The following RASGRF2 variants were observed in gnomAD, a reference collection of about 807,000 sequenced individuals.
RASGRF2 encodes the protein Ras protein specific guanine nucleotide releasing factor 2, also known as ras-specific guanine nucleotide-releasing factor 2.
A neutral mutation model predicts 151.0 loss-of-function variants in RASGRF2; 76 were observed. The observed-to-expected ratio is 0.50, with a 90% CI of 0.42 to 0.61. The LOEUF (loss-of-function observed/expected upper bound fraction) is 0.61, where lower values mean the gene tolerates loss of function less well. Ranked by LOEUF, RASGRF2 falls within the 20% of genes least tolerant of loss-of-function variation. The pLI, the probability that RASGRF2 is intolerant of heterozygous loss-of-function variation, is 0.00. For synonymous variants in RASGRF2, 504 were observed against 566.5 expected (o/e 0.89, Z 1.57); for missense variants, 1,148 against 1,564.6 (o/e 0.73, Z 4.49).
In RASGRF2 at chr5:81,036,057, T is replaced by C. The variant is rs1750480675; in HGVS notation, c.289-6820T>C. Reference sequence around the variant, plus strand: ...TACCATTTTTTAAAAAAGGCACAAATAACATTAAACATGGAGAAAATGTAC... The same window carrying C: ...TACCATTTTTTAAAAAAGGCACAAACAACATTAAACATGGAGAAAATGTAC... On this transcript the variant is annotated intron_variant, in intron 1 of 26. Transcript: ENST00000265080. Among the ~76,000 whole-genome samples the C allele has an allele frequency of 2.6e-5, 4 of 152,124 alleles. No homozygotes were observed. In the South Asian group the frequency reaches 8.3e-4, roughly 31 times the overall value.
At chr5:80,970,680 G>A (rs1439810118) in intron 1 of RASGRF2, among the ~76,000 whole-genome samples, 1 of 152,104 alleles carries the variant, frequency 6.6e-6, no homozygotes, top group Non-Finnish European at 1.5e-5. Context: ...GAATCTGATT[G>A]TCTCAGTTCA....
chr5:81,078,321 T>C (rs1751994535), intron 5 of RASGRF2, among the ~76,000 whole-genome samples: 1 of 152,220 alleles, frequency 6.6e-6, no homozygotes, highest in Non-Finnish European at 1.5e-5. Flanking sequence ...TATTGTGCTA[T>C]CAAATAATAG....
chr5:80,998,308 C>T (rs1002131158), intron 1 of RASGRF2, among the ~76,000 whole-genome samples: 4 of 152,170 alleles, frequency 2.6e-5, no homozygotes, highest in Non-Finnish European at 2.9e-5. Flanking sequence ...TGATTCTCTA[C>T]TTTCTGCCCT....
intron 1 of RASGRF2, among the ~76,000 whole-genome samples, chr5:80,985,739 A>G (rs1342620260): frequency 6.6e-6 from 1 of 152,196 alleles, no homozygotes; most frequent in Non-Finnish European, 1.5e-5. Context: ...GTTATTTTTA[A>G]GTGACCCAGC....
chr5:80,979,332 T>C (rs1748227445), intron 1 of RASGRF2, among the ~76,000 whole-genome samples: 2 of 152,230 alleles, frequency 1.3e-5, no homozygotes, highest in Admixed American at 6.5e-5. Context: ...TAGTCTAATT[T>C]CTTGAAATAA....
chr5:81,225,552 AT>A, intron 26 of RASGRF2, 125 bp from the exon 27 acceptor site: 2 of 1,225,918 alleles, frequency 1.6e-6, no homozygotes, highest in South Asian at 1.7e-5. Context: ...CATATTTATG[AT>A]TTTTTGGTCA....
At chr5:81,119,028 C>T (rs1429138098) in intron 15 of RASGRF2, among the ~76,000 whole-genome samples, 1 of 152,196 alleles carries the variant, frequency 6.6e-6, no homozygotes, top group Non-Finnish European at 1.5e-5. Flanking sequence ...TAAGGAGATT[C>T]AGACTCTTGA....
At chr5:81,195,172 A>G (rs1755236028) in intron 18 of RASGRF2, among the ~76,000 whole-genome samples, 1 of 151,848 alleles carries the variant, frequency 6.6e-6, no homozygotes, top group South Asian at 2.1e-4. Context: ...TCCCTCCTCC[A>G]GGCCTGCGGG....
intron 17 of RASGRF2, among the ~76,000 whole-genome samples, chr5:81,162,874 G>T (rs1754419415): frequency 6.6e-6 from 1 of 152,190 alleles, no homozygotes; most frequent in South Asian, 2.1e-4. Context: ...TTTGTTACAG[G>T]AAATTGGGTA....
intron 17 of RASGRF2, among the ~76,000 whole-genome samples, chr5:81,179,127 C>A (rs1754854245): frequency 6.6e-6 from 1 of 152,156 alleles, no homozygotes; most frequent in East Asian, 1.9e-4. Context: ...GATTGGAAGG[C>A]AGAATCTTTT....
chr5:81,094,749 C>G (rs1210605019), intron 11 of RASGRF2, 107 bp from the exon 12 acceptor site: 1 of 1,237,302 alleles, frequency 8.1e-7, no homozygotes, highest in African/African-American at 1.5e-5. Context: ...AAATGAGAGT[C>G]CCGATTTGAG....
chr5:81,061,952 G>T (rs1409430623), intron 2 of RASGRF2, among the ~76,000 whole-genome samples: 2 of 142,810 alleles, frequency 1.4e-5, no homozygotes, highest in Non-Finnish European at 3.0e-5. Flanking sequence ...GCCTCCCAAA[G>T]TGCTAGGATT....
At chr5:81,060,490 A>C (rs912459591) in intron 2 of RASGRF2, among the ~76,000 whole-genome samples, 1 of 151,962 alleles carries the variant, frequency 6.6e-6, no homozygotes, top group Admixed American at 6.6e-5. Flanking sequence ...TTTTTCCTCT[A>C]CAGTACTCAT....
At chr5:81,181,497 C>T (rs1439224984) in intron 18 of RASGRF2, among the ~76,000 whole-genome samples, 1 of 152,178 alleles carries the variant, frequency 6.6e-6, no homozygotes, top group Non-Finnish European at 1.5e-5. Flanking sequence ...CAAGAACCAT[C>T]CTTAGTGCAT....
intron 1 of RASGRF2, among the ~76,000 whole-genome samples, chr5:80,985,312 A>G (rs752570409): frequency 6.6e-6 from 1 of 152,212 alleles, no homozygotes; most frequent in Non-Finnish European, 1.5e-5. Flanking sequence ...GATTGGGGTT[A>G]ATTTTCTTCA....
At chr5:80,985,499 A>T (rs546172933) in intron 1 of RASGRF2, among the ~76,000 whole-genome samples, 1 of 152,240 alleles carries the variant, frequency 6.6e-6, no homozygotes, top group Non-Finnish European at 1.5e-5. Flanking sequence ...TTGTCACATA[A>T]TGAAGGATGT....
At position 81,174,333 on chromosome 5, in the gene RASGRF2, G is replaced by A. The variant is rs1048212873; in HGVS notation, c.2687-5842G>A. Among the ~76,000 whole-genome samples the A allele has an allele frequency of 3.5e-4, 53 of 152,196 alleles. 1 individual carries two copies. Among genetic ancestry groups the A allele is most frequent in the Admixed American group, 3.5e-3 (53 of 15,278 alleles). On this transcript the variant is annotated intron_variant, in intron 17 of 26. Coordinates refer to ENST00000265080, the MANE Select transcript of RASGRF2 (RefSeq NM_006909.3). ...ATGTCTAATAGGAAGTTTGAAATGA[G>A]GAGTTTGGGGTACTGTTGGAACTGG...
intron 5 of RASGRF2, among the ~76,000 whole-genome samples, chr5:81,077,486 A>G (rs1266014591): frequency 6.6e-6 from 1 of 152,230 alleles, no homozygotes; most frequent in Non-Finnish European, 1.5e-5. Context: ...TCTGTAGATG[A>G]GTGCAGAAAG....
At position 80,960,715 on chromosome 5, in the gene RASGRF2, C is replaced by A; in HGVS notation, c.-24C>A. 1 of 1,503,084 alleles carries A rather than the reference C, an allele frequency of 6.7e-7. No individual in the cohort carries two copies. 93.1% of individuals were successfully genotyped at this position (1,503,084 alleles called of 1,614,324 possible). ...AGGCAGGGGTGAGACCGGCGGCCAC[C>A]CGTGAGCCCTCCGCACCCGCACCAT... On this transcript the variant is annotated 5_prime_UTR_variant, in exon 1 of 27. Coordinates refer to ENST00000265080, the MANE Select transcript of RASGRF2 (RefSeq NM_006909.3). The surrounding 1 kb of genome is among the most constrained non-coding windows in gnomAD (Gnocchi z 5.5).
Sources: allele counts gnomAD v4.1 joint callset (sites outside exome capture counted in the v4.1 genomes callset), GRCh38; gene constraint gnomAD v4.1.1; non-coding constraint Gnocchi (gnomAD v3.1); transcripts MANE v1.5; gene names NCBI Gene and HGNC (gene_info 2026-07-23, HGNC 2026-07-21).